NEK1: variants seen among roughly 807,000 people sequenced by gnomAD.
NEK1 encodes NIMA related kinase 1, also known as serine/threonine-protein kinase Nek1.
In NEK1, 137 loss-of-function variants were observed where a neutral mutation model predicts 182.1. The observed-to-expected ratio is 0.75, with a 90% CI of 0.65 to 0.87. The LOEUF is 0.87. Ranked by LOEUF, NEK1 falls within the 40% of genes least tolerant of loss-of-function variation. NEK1 has a pLI of 0.00. For synonymous variants in NEK1, 513 were observed against 492.2 expected (o/e 1.04, Z -0.56); for missense variants, 1,391 against 1,494.4 (o/e 0.93, Z 1.14).
intron 29 of NEK1, among the ~76,000 whole-genome samples, chr4:169,430,840 AG>A (rs1737289261): frequency 6.6e-6 from 1 of 152,030 alleles, no homozygotes; most frequent in Admixed American, 6.6e-5. Context: ...GTCAGGAATA[AG>A]AAAAAAAAAA....
intron 4 of NEK1, among the ~76,000 whole-genome samples, chr4:169,600,532 C>T (rs780191172): frequency 1.1e-4 from 16 of 152,096 alleles, no homozygotes; most frequent in South Asian, 4.1e-4. Context: ...TTTGTGGTGA[C>T]ATTCTTGTCA....
rs1768481116 is a variant in NEK1 at position 169,591,368 on chromosome 4, T to C, written c.313-559A>G. 2.0e-5 allele frequency among the ~76,000 whole-genome samples: 3 copies of C among 152,186 alleles called. No individual in the cohort carries two copies. The South Asian group carries it at 6.2e-4, about 32-fold the overall frequency. On this transcript the variant is annotated intron_variant, in intron 5 of 35. Coordinates refer to ENST00000507142, the MANE Select transcript of NEK1 (RefSeq NM_001199397.3). ...TGTCCCACTATGTTGCCCAGGCTAG[T>C]GGTCTTGAACTCCTGGTCTCAGGAG...
intron 23 of NEK1, among the ~76,000 whole-genome samples, chr4:169,482,794 G>A (rs559874643): frequency 6.6e-6 from 1 of 151,942 alleles, no homozygotes; most frequent in South Asian, 2.1e-4. Context: ...ACACCACCAC[G>A]CTCAGCTAAT....
At chr4:169,514,164 T>G (rs530320354) in intron 19 of NEK1, among the ~76,000 whole-genome samples, 7 of 152,042 alleles carry the variant, frequency 4.6e-5, no homozygotes, top group Admixed American at 4.6e-4. Flanking sequence ...TTTTTTGTAT[T>G]ATTAGTAGAG....
chr4:169,464,569 AT>A (rs1744577216), intron 26 of NEK1, among the ~76,000 whole-genome samples: 2 of 152,034 alleles, frequency 1.3e-5, no homozygotes, highest in African/African-American at 4.8e-5. Context: ...AAAGTTTCAG[AT>A]TTTGGGGCAT....
chr4:169,505,099 C>T (rs1753024875), intron 23 of NEK1, among the ~76,000 whole-genome samples: 1 of 152,052 alleles, frequency 6.6e-6, no homozygotes, highest in Admixed American at 6.6e-5. Context: ...AAGACTTCAA[C>T]ATTGGGCAGA....
chr4:169,475,870 T>C (rs1746855805), intron 26 of NEK1, among the ~76,000 whole-genome samples: 1 of 152,088 alleles, frequency 6.6e-6, no homozygotes, highest in African/African-American at 2.4e-5. Flanking sequence ...GACTATCATC[T>C]ATTAAAGATA....
At chr4:169,456,944 A>C (rs1462581456) in intron 27 of NEK1, among the ~76,000 whole-genome samples, 1 of 152,212 alleles carries the variant, frequency 6.6e-6, no homozygotes, top group Admixed American at 6.5e-5. Flanking sequence ...TAAGTGATAT[A>C]AGACAGGCAC....
intron 31 of NEK1, among the ~76,000 whole-genome samples, chr4:169,421,391 A>T (rs1486836651): frequency 6.6e-6 from 1 of 152,198 alleles, no homozygotes; most frequent in Non-Finnish European, 1.5e-5. Flanking sequence ...CTGAAAGAAG[A>T]AATAGTTATC....
rs1054287041 is a variant in NEK1 at position 169,502,223 on chromosome 4, G to A, written c.2007+4814C>T. Among the ~76,000 whole-genome samples, 12 of 147,576 alleles carry A rather than the reference G, an allele frequency of 8.1e-5. No individual in the cohort carries two copies. In the East Asian group the frequency reaches 2.0e-3, roughly 25 times the overall value. Reference sequence around the variant, plus strand: ...GAAACCTTGAACAGACCAATAATGAGTACAAAATTGAAACAGTAATAAAAA... The same window carrying A: ...GAAACCTTGAACAGACCAATAATGAATACAAAATTGAAACAGTAATAAAAA... On this transcript the variant is annotated intron_variant, in intron 23 of 35. Coordinates refer to ENST00000507142, the MANE Select transcript of NEK1 (RefSeq NM_001199397.3).
At chr4:169,482,974 T>C (rs116613993) in intron 23 of NEK1, among the ~76,000 whole-genome samples, 1 of 152,144 alleles carries the variant, frequency 6.6e-6, no homozygotes, top group African/African-American at 2.4e-5. Context: ...ACTTTTCCTT[T>C]GCATTCACAA....
At chr4:169,412,339 C>G (rs1256328994) in intron 31 of NEK1, among the ~76,000 whole-genome samples, 2 of 152,188 alleles carry the variant, frequency 1.3e-5, no homozygotes, top group Non-Finnish European at 2.9e-5. Flanking sequence ...CTGCTTATCA[C>G]CTGTCCTACC....
rs1005269769 is a variant in NEK1 at position 169,548,399 on chromosome 4, T to C, written c.1562+7321A>G. Among the ~76,000 whole-genome samples the C allele has an allele frequency of 2.6e-5, 4 of 152,140 alleles. No individual in the cohort carries two copies. The East Asian group carries it at 7.7e-4, about 29-fold the overall frequency. ...AGATCTCTCCTGTATGAGGAGTCTGTCGGCCCCTACTGGGGAGGTGTCTCC... is the reference window on the plus strand; with the variant it reads ...AGATCTCTCCTGTATGAGGAGTCTGCCGGCCCCTACTGGGGAGGTGTCTCC... On this transcript the variant is annotated intron_variant, in intron 18 of 35. Transcript: ENST00000507142.
In NEK1 at chr4:169,428,027, G is replaced by T. The variant is rs1736708939; in HGVS notation, c.2886-1793C>A. Reference sequence around the variant, plus strand: ...TGTAGAGGTGGGGTCTTGCTATGTTGCCCAGGCTGGTATCAAACTCCTGAC... The same window carrying T: ...TGTAGAGGTGGGGTCTTGCTATGTTTCCCAGGCTGGTATCAAACTCCTGAC... On this transcript the variant is annotated intron_variant, in intron 29 of 35. Coordinates refer to ENST00000507142, the MANE Select transcript of NEK1 (RefSeq NM_001199397.3). Among the ~76,000 whole-genome samples, 4 of 149,672 alleles carry T rather than the reference G, an allele frequency of 2.7e-5. No homozygotes were observed. In the East Asian group the frequency reaches 5.9e-4, roughly 22 times the overall value.
At chr4:169,433,365 A>G (rs528614455) in intron 29 of NEK1, among the ~76,000 whole-genome samples, 180 bp downstream of exon 29, 26 of 152,316 alleles carry the variant, frequency 1.7e-4, no homozygotes, top group African/African-American at 6.3e-4. Flanking sequence ...CGGCCTCTTC[A>G]AATATTTTAT....
At chr4:169,460,222 A>T (rs1215922771) in intron 27 of NEK1, among the ~76,000 whole-genome samples, 1 of 152,050 alleles carries the variant, frequency 6.6e-6, no homozygotes, top group Non-Finnish European at 1.5e-5. Flanking sequence ...AGGCTGGGAA[A>T]TTCATAAAAG....
chr4:169,424,076 AT>A (rs765795353), intron 31 of NEK1, among the ~76,000 whole-genome samples: 1 of 152,302 alleles, frequency 6.6e-6, no homozygotes, highest in East Asian at 1.9e-4. Context: ...CTGTAGAGAT[AT>A]TTTTTATAAG....
intron 12 of NEK1, among the ~76,000 whole-genome samples, chr4:169,569,196 T>G (rs371563296): frequency 1.3e-5 from 2 of 152,296 alleles, no homozygotes; most frequent in Admixed American, 1.3e-4. Context: ...GAATTAGATA[T>G]GTAGGTACAG....
At chr4:169,416,708 C>T (rs1391280521) in intron 31 of NEK1, among the ~76,000 whole-genome samples, 1 of 152,082 alleles carries the variant, frequency 6.6e-6, no homozygotes, top group Admixed American at 6.5e-5. Context: ...AGTTCCAGAC[C>T]AGTCTGGGCA....
Sources: gnomAD v4.1 joint callset for allele counts (sites outside exome capture counted in the v4.1 genomes callset) on GRCh38, gnomAD v4.1.1 for gene constraint, MANE v1.5 for transcripts, NCBI Gene and HGNC (gene_info 2026-07-23, HGNC 2026-07-21) for gene names.